Variants in CHST8 observed in about 807,000 individuals in gnomAD.
CHST8 encodes the protein GALNAC-4-ST1.
A neutral mutation model predicts 15.0 loss-of-function variants in CHST8; 10 were observed. The ratio of observed to expected loss-of-function variants is 0.67; its 90% CI spans 0.41 to 1.13. CHST8 has a LOEUF of 1.13. Among genes scored for constraint, CHST8 ranks in the 50% most tolerant of loss-of-function variants. CHST8 has a pLI of 0.00. For missense variants in CHST8, 634 were observed against 608.2 expected (o/e 1.04, Z -0.45); for synonymous variants, 259 against 256.6 (o/e 1.01, Z -0.09).
intron 3 of CHST8, among the ~76,000 whole-genome samples, chr19:33,751,711 T>C (rs575782054): frequency 6.6e-6 from 1 of 152,352 alleles, no homozygotes; most frequent in Admixed American, 6.5e-5. Context: ...TCTGCCAGCC[T>C]ACCTGGGCAG....
At chr19:33,642,937 C>A (rs1972302655) in intron 1 of CHST8, among the ~76,000 whole-genome samples, 1 of 152,152 alleles carries the variant, frequency 6.6e-6, no homozygotes, top group African/African-American at 2.4e-5. Context: ...TTCTGTCTTG[C>A]TTTTGACACC....
intron 3 of CHST8, among the ~76,000 whole-genome samples, chr19:33,764,536 A>G (rs1295553438): frequency 2.0e-5 from 3 of 152,080 alleles, no homozygotes; most frequent in African/African-American, 7.2e-5. Context: ...TTAAAGCCCC[A>G]TGAGATCACA....
At chr19:33,761,094 A>G (rs1974716607) in intron 3 of CHST8, among the ~76,000 whole-genome samples, 1 of 152,248 alleles carries the variant, frequency 6.6e-6, no homozygotes, top group Non-Finnish European at 1.5e-5. Context: ...AAGCAGAGAC[A>G]GGGCAAGCCA....
chr19:33,685,957 C>A (rs897864921), intron 2 of CHST8, among the ~76,000 whole-genome samples: 1 of 152,152 alleles, frequency 6.6e-6, no homozygotes, highest in Non-Finnish European at 1.5e-5. Context: ...TACTGCTGGC[C>A]AGTTACCCAG....
intron 1 of CHST8, among the ~76,000 whole-genome samples, chr19:33,625,864 T>C (rs1972046054): frequency 6.6e-6 from 1 of 152,190 alleles, no homozygotes; most frequent in South Asian, 2.1e-4. Flanking sequence ...TGTCTCAAAA[T>C]AAATTTTTTT....
chr19:33,762,384 C>T (rs1451207646), intron 3 of CHST8, among the ~76,000 whole-genome samples: 2 of 152,234 alleles, frequency 1.3e-5, no homozygotes, highest in Non-Finnish European at 2.9e-5. Context: ...CTCTGATGCT[C>T]GACTCTCTGA....
rs1253087844 is a variant in CHST8, at chr19:33,757,583, A to G, written c.131-13830A>G. On this transcript the variant is annotated intron_variant, in intron 3 of 4. Coordinates refer to ENST00000650847, the MANE Select transcript of CHST8 (RefSeq NM_001127895.2). ...AAGAAAGAAAGAAAGAAAGAAAGAA[A>G]GAAAGAAAGAAAGAAAGAAAGAGCC... 2.1e-5 allele frequency among the ~76,000 whole-genome samples: 3 copies of G among 145,568 alleles called. 1 individual carries two copies. The highest frequency in any genetic ancestry group is 4.0e-4 in the East Asian group (2 of 4,992).
At chr19:33,742,647 C>G (rs940694074) in intron 3 of CHST8, among the ~76,000 whole-genome samples, 4 of 152,194 alleles carry the variant, frequency 2.6e-5, no homozygotes, top group African/African-American at 9.7e-5. Flanking sequence ...CAAACCATAA[C>G]AGTGGGCAAA....
intron 1 of CHST8, among the ~76,000 whole-genome samples, chr19:33,627,109 C>CG (rs1972065252): frequency 4.9e-4 from 14 of 28,588 alleles, no homozygotes; most frequent in East Asian, 7.0e-4. Flanking sequence ...GGGGGGGGGG[C>CG]GGGTGGGGTG....
At chr19:33,665,998 A>G (rs1972654212) in intron 1 of CHST8, among the ~76,000 whole-genome samples, 1 of 152,182 alleles carries the variant, frequency 6.6e-6, no homozygotes, top group Non-Finnish European at 1.5e-5. Context: ...TGGCTCCGGG[A>G]CGGGGTGTCG....
At chr19:33,647,911 G>A (rs1972374568) in intron 1 of CHST8, among the ~76,000 whole-genome samples, 1 of 151,626 alleles carries the variant, frequency 6.6e-6, no homozygotes, top group Admixed American at 6.6e-5. Flanking sequence ...GGGAAGAGGG[G>A]TTGAAAGGTT....
rs573621127 is a variant in CHST8, at chr19:33,742,495, G to A, written c.131-28918G>A. ...CAACCAGTTTTCATGTGAGTTGACA[G>A]AGCAAGAACTCGCTCATTACCATGG... On this transcript the variant is annotated intron_variant, in intron 3 of 4. Transcript: ENST00000650847. Among the ~76,000 whole-genome samples, 114 of 152,272 alleles carry A rather than the reference G, an allele frequency of 7.5e-4. 2 individuals carry two copies. The South Asian group carries it at 0.022, about 30-fold the overall frequency.
At chr19:33,632,776 T>C (rs543712533) in intron 1 of CHST8, among the ~76,000 whole-genome samples, 68 of 152,128 alleles carry the variant, frequency 4.5e-4, no homozygotes, top group Non-Finnish European at 7.2e-4. Flanking sequence ...TGTGTGTATG[T>C]GTGTGTGTTT....
chr19:33,716,650 G>C (rs157727), intron 3 of CHST8, among the ~76,000 whole-genome samples: 1 of 151,976 alleles, frequency 6.6e-6, no homozygotes, highest in Non-Finnish European at 1.5e-5. Context: ...TTACAGATGT[G>C]AGCCACCACA....
chr19:33,745,010 G>A (rs1316584054), intron 3 of CHST8, among the ~76,000 whole-genome samples: 5 of 152,148 alleles, frequency 3.3e-5, no homozygotes, highest in African/African-American at 1.2e-4. Flanking sequence ...GCCTCCCAAA[G>A]TGCTGGGATT....
At chr19:33,746,882 A>G (rs1348685944) in intron 3 of CHST8, among the ~76,000 whole-genome samples, 1 of 151,352 alleles carries the variant, frequency 6.6e-6, no homozygotes, top group African/African-American at 2.4e-5. Context: ...TTTTCTTTGG[A>G]TGCTACTTGA....
At chr19:33,739,959 G>C (rs575468873) in intron 3 of CHST8, among the ~76,000 whole-genome samples, 1 of 152,288 alleles carries the variant, frequency 6.6e-6, no homozygotes, top group South Asian at 2.1e-4. Context: ...GGTCAGAGGA[G>C]AGCAGCTCTC....
Position 33,686,307 on chromosome 19 carries a change from G to C in CHST8, c.-86-2869G>C, listed in dbSNP as rs573484416. Among the ~76,000 whole-genome samples, 25 of 152,250 alleles carry C rather than the reference G, an allele frequency of 1.6e-4. 1 individual carries two copies. Among genetic ancestry groups the C allele is most frequent in the South Asian group, 4.2e-4 (2 of 4,818 alleles). Reference sequence around the variant, plus strand: ...GGGGCATGGATCTGGTCCTTGCCCTGGCTCCCAGGCACATGGGTGGCTGGA... The same window carrying C: ...GGGGCATGGATCTGGTCCTTGCCCTCGCTCCCAGGCACATGGGTGGCTGGA... On this transcript the variant is annotated intron_variant, in intron 2 of 4. Transcript: ENST00000650847.
chr19:33,641,348 G>C (rs1165410924), intron 1 of CHST8, among the ~76,000 whole-genome samples: 1 of 152,176 alleles, frequency 6.6e-6, no homozygotes, highest in African/African-American at 2.4e-5. Context: ...ACCCCTTCTT[G>C]AGGTCAGGAC....
Sources: gnomAD v4.1 joint callset for allele counts (sites outside exome capture counted in the v4.1 genomes callset) on GRCh38, gnomAD v4.1.1 for gene constraint, MANE v1.5 for transcripts, NCBI Gene and HGNC (gene_info 2026-07-23, HGNC 2026-07-21) for gene names.